The following DENND1A variants were observed in gnomAD, a reference collection of about 807,000 sequenced individuals.
The protein encoded by DENND1A is DENN domain containing 1A.
In DENND1A, 51 loss-of-function variants were observed where a neutral mutation model predicts 113.7. That is an observed-to-expected ratio of 0.45 (90% CI 0.36 to 0.57). The LOEUF (loss-of-function observed/expected upper bound fraction) is 0.57. DENND1A is among the 20% of genes least tolerant of loss of function. The pLI is 0.00. For synonymous variants in DENND1A, 565 were observed against 570.8 expected, an observed-to-expected ratio of 0.99 and a Z score of 0.14; for missense variants, 1,258 against 1,395.9, an observed-to-expected ratio of 0.90 and a Z score of 1.57.
At position 123,380,298 on chromosome 9, in the gene DENND1A, AAAAG is replaced by A. The variant is rs577577152; in HGVS notation, c.*1130_*1133del. On this transcript the variant is annotated 3_prime_UTR_variant, in exon 24 of 24. Coordinates refer to ENST00000394215, the MANE Select transcript of DENND1A (RefSeq NM_001352964.2). ...CATCAAATCAATAAGGTAAAAAGGA[AAAAG>A]AAAGATAATAAACATTCAATCTAAC... The A allele has an allele frequency of 1.3e-5, 2 of 152,554 alleles. No homozygotes were observed. Among genetic ancestry groups the A allele is most frequent in the South Asian group, 4.1e-4 (2 of 4,834 alleles). The allele number at this position is 152,554 out of a possible 1,614,324, so 9.5% of individuals were successfully genotyped here.
chr9:123,443,326 T>A (rs1018915594), intron 18 of DENND1A, among the ~76,000 whole-genome samples: 14 of 152,246 alleles, frequency 9.2e-5, no homozygotes, highest in Non-Finnish European at 1.9e-4. Context: ...AGCACTATCT[T>A]ATTTTTGTAT....
chr9:123,590,899 G>A (rs1277732095), intron 11 of DENND1A, among the ~76,000 whole-genome samples: 2 of 152,042 alleles, frequency 1.3e-5, no homozygotes, highest in Non-Finnish European at 2.9e-5. Context: ...GAACAATGGT[G>A]AATGAATGCC....
chr9:123,632,280 AG>A (rs2061509610), intron 9 of DENND1A, among the ~76,000 whole-genome samples: 1 of 152,148 alleles, frequency 6.6e-6, no homozygotes, highest in African/African-American at 2.4e-5. Flanking sequence ...CAGGCACCCA[AG>A]AACAGTTCCC....
At chr9:123,766,500 C>T (rs942760459) in intron 4 of DENND1A, among the ~76,000 whole-genome samples, 1 of 152,214 alleles carries the variant, frequency 6.6e-6, no homozygotes, top group Non-Finnish European at 1.5e-5. Context: ...GATGTGGCAG[C>T]ATCCAGCACT....
intron 2 of DENND1A, among the ~76,000 whole-genome samples, chr9:123,839,853 T>A (rs1377661340): frequency 6.6e-6 from 1 of 152,214 alleles, no homozygotes; most frequent in Non-Finnish European, 1.5e-5. Context: ...CTACCACCTA[T>A]GAATTATTTC....
chr9:123,760,931 T>C (rs2070985049), intron 4 of DENND1A, among the ~76,000 whole-genome samples: 1 of 152,206 alleles, frequency 6.6e-6, no homozygotes. Flanking sequence ...CAAAATATGA[T>C]TGTTCAGTGT....
chr9:123,582,510 CT>C (rs1239708095), intron 12 of DENND1A, among the ~76,000 whole-genome samples: 6 of 151,852 alleles, frequency 4.0e-5, no homozygotes, highest in Non-Finnish European at 7.4e-5. Flanking sequence ...AGCAATTCTC[CT>C]GCCTCAGCCT....
chr9:123,803,665 A>C (rs1411740899), intron 2 of DENND1A, among the ~76,000 whole-genome samples: 1 of 152,138 alleles, frequency 6.6e-6, no homozygotes, highest in Non-Finnish European at 1.5e-5. Context: ...CTCCTGTTTT[A>C]TTCATTTTAC....
chr9:123,688,872 A>G (rs949133143), intron 5 of DENND1A, among the ~76,000 whole-genome samples: 3 of 151,922 alleles, frequency 2.0e-5, no homozygotes, highest in Admixed American at 2.0e-4. Flanking sequence ...AGCAGTCCAT[A>G]ATGTTACAAA....
intron 11 of DENND1A, among the ~76,000 whole-genome samples, chr9:123,586,565 T>C (rs1040207016): frequency 6.6e-6 from 1 of 152,158 alleles, no homozygotes; most frequent in Non-Finnish European, 1.5e-5. Flanking sequence ...ACGGCACAGT[T>C]TCCTCTTGAA....
intron 11 of DENND1A, among the ~76,000 whole-genome samples, chr9:123,586,812 G>A (rs567735334): frequency 2.4e-4 from 37 of 152,154 alleles, no homozygotes; most frequent in African/African-American, 5.1e-4. Flanking sequence ...GCCAGGTGCC[G>A]GTGCCTCTCA....
intron 9 of DENND1A, among the ~76,000 whole-genome samples, chr9:123,639,032 T>G (rs1246835399): frequency 4.3e-5 from 3 of 69,150 alleles, no homozygotes; most frequent in Non-Finnish European, 7.7e-5. Context: ...TAAATTTGCA[T>G]GAGTAGTAAA....
chr9:123,583,175 G>A lies in DENND1A; in HGVS notation c.861C>T (p.Asn287=), dbSNP rs751764508. 27 of 1,609,144 alleles carry A rather than the reference G, an allele frequency of 1.7e-5. No homozygotes were observed. Among genetic ancestry groups the A allele is most frequent in the African/African-American group, 8.0e-5 (6 of 74,746 alleles). The change falls in exon 12 of 24, where the codon AAC becomes AAT. Residue 287 remains asparagine (N), a synonymous_variant. Transcript: ENST00000394215. ...TPFDDLQSLP[N]DVISSLKNRL... ...TCGCAAGCTCATTACCTACCACGTCGTTTGGGAGGCTCTGGAGGTCATCGA... is the reference window on the plus strand; with the variant it reads ...TCGCAAGCTCATTACCTACCACGTCATTTGGGAGGCTCTGGAGGTCATCGA...
At chr9:123,531,552 TCTACACACACAC>T (rs1384596022) in intron 13 of DENND1A, among the ~76,000 whole-genome samples, 3,257 of 133,854 alleles carry the variant, frequency 0.024, 64 homozygotes, top group African/African-American at 0.045. Context: ...CCCCTCTCTC[TCTACACACACAC>T]ACACACACAC....
At chr9:123,752,112 T>C (rs2070101883) in intron 5 of DENND1A, among the ~76,000 whole-genome samples, 1 of 151,478 alleles carries the variant, frequency 6.6e-6, no homozygotes, top group African/African-American at 2.4e-5. Flanking sequence ...ATTTGGTAAA[T>C]GACAAGAAAT....
intron 2 of DENND1A, among the ~76,000 whole-genome samples, chr9:123,807,033 T>C (rs527523187): frequency 1.3e-5 from 2 of 152,272 alleles, no homozygotes; most frequent in South Asian, 2.1e-4. Context: ...TGATGCAATA[T>C]TTACATCACC....
At chr9:123,474,393 G>A (rs919557830) in intron 13 of DENND1A, among the ~76,000 whole-genome samples, 16 of 152,140 alleles carry the variant, frequency 1.1e-4, no homozygotes, top group Non-Finnish European at 1.9e-4. Flanking sequence ...TGTTATTACC[G>A]TGGCAGTTTT....
intron 9 of DENND1A, among the ~76,000 whole-genome samples, chr9:123,644,378 C>CA (rs10541486): frequency 0.6 from 50,591 of 84,264 alleles, 15,444 homozygotes; most frequent in Non-Finnish European, 0.7. Context: ...TTACAAGCTA[C>CA]AAAAAAAAAA....
chr9:123,654,356 C>A (rs2062824305), intron 8 of DENND1A, among the ~76,000 whole-genome samples: 1 of 152,122 alleles, frequency 6.6e-6, no homozygotes, highest in African/African-American at 2.4e-5. Flanking sequence ...TTGACAGATC[C>A]AAAGATAACT....
Sources: gnomAD v4.1 joint callset for allele counts (sites outside exome capture counted in the v4.1 genomes callset) on GRCh38, gnomAD v4.1.1 for gene constraint, MANE v1.5 for transcripts, NCBI Gene and HGNC (gene_info 2026-07-23, HGNC 2026-07-21) for gene names.